The following GRID1 variants were observed in gnomAD, a reference collection of about 807,000 sequenced individuals.
GRID1 encodes the protein glutamate receptor ionotropic, delta-1.
Under a neutral mutation model 98.0 loss-of-function variants are expected in GRID1, and 28 were observed. That is an observed-to-expected ratio of 0.29 (90% CI 0.21 to 0.39). The LOEUF is 0.39. Ranked by LOEUF, GRID1 falls within the 10% of genes least tolerant of loss-of-function variation. GRID1 has a pLI of 1.00. For missense variants in GRID1, 1,111 were observed against 1,340.5 expected (o/e 0.83, Z 2.67); for synonymous variants, 553 against 538.5 (o/e 1.03, Z -0.37).
chr10:86,252,130 C>T (rs902855893), intron 2 of GRID1, among the ~76,000 whole-genome samples: 5 of 152,212 alleles, frequency 3.3e-5, no homozygotes, highest in South Asian at 2.1e-4. Context: ...AGCTGACCCA[C>T]GGCCCTAGGG....
At chr10:85,623,269 G>C (rs1216468889) in intron 13 of GRID1, among the ~76,000 whole-genome samples, 1 of 152,132 alleles carries the variant, frequency 6.6e-6, no homozygotes, top group African/African-American at 2.4e-5. Flanking sequence ...GAGACATAAG[G>C]CTTCTTAGGT....
intron 8 of GRID1, among the ~76,000 whole-genome samples, chr10:85,746,346 C>G (rs1422513836): frequency 6.6e-6 from 1 of 152,148 alleles, no homozygotes; most frequent in East Asian, 1.9e-4. Flanking sequence ...CCATCAGAAG[C>G]AGGATAGCAG....
intron 4 of GRID1, among the ~76,000 whole-genome samples, chr10:85,945,723 T>G (rs150117782): frequency 6.6e-6 from 1 of 152,360 alleles, no homozygotes; most frequent in East Asian, 1.9e-4. Flanking sequence ...TTTCATAGTT[T>G]TCATAAGCAC....
intron 4 of GRID1, among the ~76,000 whole-genome samples, chr10:85,942,754 C>T (rs1035139152): frequency 2.0e-5 from 3 of 152,122 alleles, no homozygotes; most frequent in Non-Finnish European, 4.4e-5. Context: ...TAACTTTTGT[C>T]CTGTGGTCCT....
At chr10:85,877,478 G>A (rs188487363) in intron 5 of GRID1, among the ~76,000 whole-genome samples, 2 of 152,174 alleles carry the variant, frequency 1.3e-5, no homozygotes, top group South Asian at 2.1e-4. Context: ...CCGCTGTTCT[G>A]CAGCCACCGC....
At chr10:85,961,414 C>T (rs1316622979) in intron 4 of GRID1, among the ~76,000 whole-genome samples, 2 of 152,112 alleles carry the variant, frequency 1.3e-5, no homozygotes, top group African/African-American at 4.8e-5. Flanking sequence ...GAAGCCCAGA[C>T]CAGTGAGGAG....
chr10:85,855,240 G>T (rs1430091506), intron 7 of GRID1, among the ~76,000 whole-genome samples: 1 of 152,238 alleles, frequency 6.6e-6, no homozygotes, highest in African/African-American at 2.4e-5. Flanking sequence ...GCATAGACTG[G>T]CTGTGGTCTC....
At chr10:85,939,290 A>G (rs1841967281) in intron 4 of GRID1, among the ~76,000 whole-genome samples, 1 of 152,260 alleles carries the variant, frequency 6.6e-6, no homozygotes, top group African/African-American at 2.4e-5. Flanking sequence ...ATTAGCTTAT[A>G]GACAGGATAC....
chr10:85,625,894 C>T (rs769725517), intron 13 of GRID1, among the ~76,000 whole-genome samples: 10 of 152,200 alleles, frequency 6.6e-5, no homozygotes, highest in Admixed American at 2.0e-4. Flanking sequence ...CCACTGATTC[C>T]ACCCCTTTTG....
At chr10:85,934,901 G>C (rs1039467051) in intron 4 of GRID1, among the ~76,000 whole-genome samples, 1 of 152,156 alleles carries the variant, frequency 6.6e-6, no homozygotes, top group Non-Finnish European at 1.5e-5. Flanking sequence ...CTTTGGTTGG[G>C]ATAAAGCCAC....
At chr10:86,281,516 G>A (rs1847356598) in intron 2 of GRID1, among the ~76,000 whole-genome samples, 1 of 152,162 alleles carries the variant, frequency 6.6e-6, no homozygotes, top group South Asian at 2.1e-4. Context: ...CCTAACCTTG[G>A]CTTATTTGGA....
At chr10:86,077,607 C>A (rs969886646) in intron 4 of GRID1, among the ~76,000 whole-genome samples, 1 of 152,198 alleles carries the variant, frequency 6.6e-6, no homozygotes, top group Non-Finnish European at 1.5e-5. Flanking sequence ...GACCTCCATT[C>A]GAACACATAT....
intron 15 of GRID1, among the ~76,000 whole-genome samples, chr10:85,609,643 C>A (rs987753034): frequency 4.6e-5 from 7 of 152,188 alleles, no homozygotes; most frequent in Non-Finnish European, 8.8e-5. Context: ...GCTTCTCTGT[C>A]CCCTGCTGCC....
At chr10:85,983,191 C>T (rs543191055) in intron 4 of GRID1, among the ~76,000 whole-genome samples, 7 of 152,286 alleles carry the variant, frequency 4.6e-5, no homozygotes, top group African/African-American at 1.2e-4. Context: ...TGAGGATGAC[C>T]GGACAGCCTC....
At chr10:86,307,541 G>A (rs929631932) in intron 2 of GRID1, among the ~76,000 whole-genome samples, 2 of 152,146 alleles carry the variant, frequency 1.3e-5, no homozygotes, top group African/African-American at 2.4e-5. Context: ...GCTGCTGTGG[G>A]GGGGAATGGG....
chr10:86,050,655 A>G (rs1407328658), intron 4 of GRID1, among the ~76,000 whole-genome samples: 1 of 152,228 alleles, frequency 6.6e-6, no homozygotes, highest in African/African-American at 2.4e-5. Context: ...ATCTATATGA[A>G]GTCAGTCTCT....
chr10:86,075,508 T>C (rs1044057480), intron 4 of GRID1, among the ~76,000 whole-genome samples: 1 of 152,186 alleles, frequency 6.6e-6, no homozygotes. Context: ...AACACCTTGA[T>C]CTTGAACTTC....
At chr10:86,339,984 G>A (rs996682443) in intron 2 of GRID1, among the ~76,000 whole-genome samples, 44 of 152,270 alleles carry the variant, frequency 2.9e-4, no homozygotes, top group Admixed American at 5.2e-4. Flanking sequence ...CGGGAGGGGC[G>A]GCAGTGGGGT....
rs372729146 is a variant in GRID1, at chr10:86,128,374, T to C, written c.726+10445A>G. Among the ~76,000 whole-genome samples, 251 of 152,300 alleles carry C rather than the reference T, an allele frequency of 1.6e-3. 1 individual carries two copies. The highest frequency in any genetic ancestry group is 2.7e-3 in the Non-Finnish European group (185 of 68,010). ...GGGGAATTCATGTGTGCTTTTCCTG[T>C]GATGATCTACCTCCCTCCAGTTCTT... On this transcript the variant is annotated intron_variant, in intron 4 of 15. Transcript: ENST00000327946.
Sources: gnomAD v4.1 joint callset for allele counts (sites outside exome capture counted in the v4.1 genomes callset) on GRCh38, gnomAD v4.1.1 for gene constraint, MANE v1.5 for transcripts, NCBI Gene and HGNC (gene_info 2026-07-23, HGNC 2026-07-21) for gene names.